The following DGKZ variants were observed in gnomAD, a reference collection of about 807,000 sequenced individuals.
The protein encoded by DGKZ is diacylglycerol kinase zeta.
Under a neutral mutation model 142.5 loss-of-function variants are expected in DGKZ, and 45 were observed. The observed-to-expected ratio is 0.32, with a 90% CI of 0.25 to 0.40. The LOEUF is 0.40. Ranked by LOEUF, DGKZ falls within the 10% of genes least tolerant of loss-of-function variation. DGKZ has a pLI of 1.00. For synonymous variants in DGKZ, 442 were observed against 527.0 expected, an observed-to-expected ratio of 0.84 and a Z score of 2.21; for missense variants, 755 against 1,306.5, an observed-to-expected ratio of 0.58 and a Z score of 6.51.
chr11:46,360,488 CAAAAA>C (rs35812065), intron 1 of DGKZ, among the ~76,000 whole-genome samples: 2 of 96,108 alleles, frequency 2.1e-5, no homozygotes, highest in Non-Finnish European at 2.3e-5. Flanking sequence ...CTTTCCTCAT[CAAAAA>C]AAAAAAAAAA....
upstream of DGKZ, among the ~76,000 whole-genome samples, chr11:46,344,549 G>A (rs1940449302): frequency 6.7e-6 from 1 of 149,368 alleles, no homozygotes; most frequent in Non-Finnish European, 1.5e-5. Context: ...CACCTCCCAG[G>A]TTCAAGCGAT....
chr11:46,343,822 C>T (rs980403894), upstream of DGKZ, among the ~76,000 whole-genome samples: 3 of 152,162 alleles, frequency 2.0e-5, no homozygotes, highest in East Asian at 1.9e-4. Flanking sequence ...ACATAGCTCA[C>T]GCTCCCCATT....
intron 16 of DGKZ, 60 bp from the exon 17 acceptor site, chr11:46,374,544 C>G (rs1439094608): frequency 6.2e-7 from 1 of 1,609,348 alleles, no homozygotes; most frequent in Admixed American, 1.7e-5. Flanking sequence ...AGGAGCCCTG[C>G]CGGGTGCTGG....
intron 1 of DGKZ, chr11:46,366,720 T>C (rs1306584614): frequency 4.6e-5 from 71 of 1,555,410 alleles, no homozygotes; most frequent in Non-Finnish European, 6.0e-5. Context: ...CTGTTGCCCC[T>C]ACCCCGCTAC....
intron 30 of DGKZ, 101 bp downstream of exon 30, chr11:46,379,669 A>T: frequency 5.4e-6 from 7 of 1,308,040 alleles, no homozygotes; most frequent in Non-Finnish European, 7.3e-6. Context: ...GGGAAGACAC[A>T]GTCCAGACCC....
intron 6 of DGKZ, among the ~76,000 whole-genome samples, chr11:46,370,506 G>A (rs971811786): frequency 1.3e-4 from 20 of 152,212 alleles, no homozygotes; most frequent in South Asian, 2.1e-4. Context: ...GATTCTCAGC[G>A]CCTGGCCCAC....
chr11:46,372,018 T>C lies in DGKZ; in HGVS notation c.832-57T>C. 6.6e-7 allele frequency: 1 copy of C among 1,509,314 alleles called. No individual in the cohort carries two copies. The highest frequency in any genetic ancestry group is 9.0e-7 in the Non-Finnish European group (1 of 1,105,084). The allele number at this position is 1,509,314 out of a possible 1,614,324, so 93.5% of individuals were successfully genotyped here. ...AGTCACCCAGGGGGCCTGCTAAGGA[T>C]GATGGTAGGGTGTCCTGGACGGGAA... On this transcript the variant is annotated intron_variant, in intron 9 of 30. Transcript: ENST00000527911. The surrounding 1 kb of genome is among the most constrained non-coding windows in gnomAD (Gnocchi z 5.9).
upstream of DGKZ, among the ~76,000 whole-genome samples, chr11:46,342,843 G>T: frequency 6.6e-6 from 1 of 152,194 alleles, no homozygotes; most frequent in East Asian, 1.9e-4. Context: ...GGAAAATAAG[G>T]CCAGGTGCGG....
At chr11:46,345,352 C>A (rs983113080), upstream of DGKZ, 1 of 1,393,374 alleles carries the variant, frequency 7.2e-7, no homozygotes. This position sits in a 1 kb window ranked among gnomAD's most constrained non-coding sequence, Gnocchi z 4.1. Flanking sequence ...AGCAGGCCCC[C>A]CCCTCGACCC....
At chr11:46,359,099 C>T (rs1032482226) in intron 1 of DGKZ, among the ~76,000 whole-genome samples, 1 of 151,594 alleles carries the variant, frequency 6.6e-6, no homozygotes, top group Non-Finnish European at 1.5e-5. Context: ...GAGATCGCAA[C>T]ACTGCACTCC....
chr11:46,379,539 G>A (rs1355205151), exon 30 of DGKZ: 9 of 1,610,664 alleles, frequency 5.6e-6, no homozygotes, highest in Admixed American at 1.7e-5. Flanking sequence ...CGTGGAGGCC[G>A]GGGCCTCGCT....
chr11:46,376,892 C>T, intron 24 of DGKZ, 181 bp from the exon 25 acceptor site: 2 of 655,070 alleles, frequency 3.1e-6, no homozygotes, highest in Non-Finnish European at 5.4e-6. Context: ...AAAGTCTGGG[C>T]AGTCGGAGGA....
At chr11:46,376,640 G>A in intron 24 of DGKZ, 76 bp downstream of exon 24, 3 of 1,580,218 alleles carry the variant, frequency 1.9e-6, no homozygotes, top group Non-Finnish European at 2.6e-6. Context: ...CGCCTTCCCT[G>A]TTAGCTCCCC....
chr11:46,354,017 C>T (rs1354025512), intron 1 of DGKZ, among the ~76,000 whole-genome samples: 1 of 152,202 alleles, frequency 6.6e-6, no homozygotes. Flanking sequence ...TTCTTGCTCC[C>T]CAACCCACAC....
upstream of DGKZ, among the ~76,000 whole-genome samples, chr11:46,346,581 A>C (rs1346044295): frequency 2.6e-5 from 4 of 152,112 alleles, no homozygotes; most frequent in Non-Finnish European, 4.4e-5. Flanking sequence ...ACACACATAC[A>C]TATGTGTGAG....
At chr11:46,376,028 G>A in intron 21 of DGKZ, 38 bp from the exon 22 acceptor site, 1 of 1,611,978 alleles carries the variant, frequency 6.2e-7, no homozygotes, top group South Asian at 1.1e-5. Flanking sequence ...CAGGGCTGTG[G>A]GGTGCAGCCA....
intron 24 of DGKZ, 167 bp downstream of exon 24, chr11:46,376,731 C>A: frequency 1.1e-6 from 1 of 938,564 alleles, no homozygotes; most frequent in Non-Finnish European, 1.6e-6. Context: ...GCCCTGCCCT[C>A]CACACTGGAG....
intron 1 of DGKZ, chr11:46,366,783 C>G (rs750869274): frequency 2.8e-5 from 44 of 1,547,988 alleles, no homozygotes; most frequent in Non-Finnish European, 3.7e-5. Flanking sequence ...TATGACCACG[C>G]TCTCTGGGGC....
intron 1 of DGKZ, among the ~76,000 whole-genome samples, chr11:46,342,271 C>T (rs1176511029): frequency 6.6e-6 from 1 of 152,160 alleles, no homozygotes; most frequent in African/African-American, 2.4e-5. Context: ...CCGTGTCCTC[C>T]CCACCCCACC....
Sources: gnomAD v4.1 joint callset for allele counts (sites outside exome capture counted in the v4.1 genomes callset) on GRCh38, gnomAD v4.1.1 for gene constraint, Gnocchi (gnomAD v3.1) non-coding constraint, MANE v1.5 for transcripts, NCBI Gene and HGNC (gene_info 2026-07-23, HGNC 2026-07-21) for gene names.